Variants in ZFHX3 observed in about 807,000 individuals in gnomAD.
ZFHX3 encodes zinc finger homeobox protein 3.
ZFHX3 carries 42 observed loss-of-function variants against 279.1 expected under a neutral mutation model. The observed-to-expected ratio is 0.15, with a 90% CI of 0.12 to 0.19. The LOEUF is 0.19. Among genes scored for constraint, ZFHX3 ranks in the 10% least tolerant of loss-of-function variants. The pLI, the probability that ZFHX3 is intolerant of heterozygous loss-of-function variation, is 1.00. For missense variants in ZFHX3, 4,981 were observed against 4,754.0 expected, an observed-to-expected ratio of 1.05 and a Z score of -1.40; for synonymous variants, 2,293 against 1,957.8, an observed-to-expected ratio of 1.17 and a Z score of -4.52.
At chr16:73,087,049 CACATGTATCAAAATATT>C (rs1442374766) in intron 8 of ZFHX3, among the ~76,000 whole-genome samples, 1 of 152,114 alleles carries the variant, frequency 6.6e-6, no homozygotes, top group African/African-American at 2.4e-5. Flanking sequence ...ACCCATTGTT[CACATGTATCAAAATATT>C]ACATGTGCCC....
chr16:72,807,242 T>C (rs747110567), intron 7 of ZFHX3: 4 of 152,210 alleles, frequency 2.6e-5, no homozygotes, highest in Non-Finnish European at 5.9e-5. Flanking sequence ...GCCCAGCCAG[T>C]TGTGGAGGGG....
At chr16:72,918,973 G>A (rs1384855784) in intron 3 of ZFHX3, among the ~76,000 whole-genome samples, 3 of 152,104 alleles carry the variant, frequency 2.0e-5, no homozygotes, top group African/African-American at 7.2e-5. Flanking sequence ...TGGGATTACA[G>A]GCGTGAGCCA....
chr16:72,873,557 C>G (rs1346826848), intron 4 of ZFHX3, among the ~76,000 whole-genome samples: 1 of 152,110 alleles, frequency 6.6e-6, no homozygotes, highest in Non-Finnish European at 1.5e-5. Context: ...TTTTATTACT[C>G]ATTTTATTTT....
rs748545102 is a variant in ZFHX3 at position 72,958,228 on chromosome 16, C to T, written c.1918G>A (p.Val640Met). Residue 640 changes from valine (V) to methionine (M), a missense_variant, in exon 2 of 10, where the codon GTG becomes ATG. By Grantham distance (21) the Val-to-Met change is conservative. Coordinates refer to ENST00000268489, the MANE Select transcript of ZFHX3 (RefSeq NM_006885.4). ...ACCGTGTCGCATTTGGGGCACTCCA[C>T]GCCACTCCCCGAGGGGCACTCCCCA... ...GVGECPSGSG[V>M]ECPKCDTVLG... The T allele has an allele frequency of 2.7e-5, 43 of 1,612,568 alleles. No individual in the cohort carries two copies. In the South Asian group the frequency reaches 3.3e-4, roughly 12 times the overall value.
chr16:73,174,503 CT>C (rs1305711636), intron 5 of ZFHX3, among the ~76,000 whole-genome samples: 2 of 152,080 alleles, frequency 1.3e-5, no homozygotes, highest in Non-Finnish European at 2.9e-5. Context: ...CACGTGTTTT[CT>C]TTTTGCATCC....
At chr16:73,659,128 G>A (rs2052753359) in intron 2 of ZFHX3, among the ~76,000 whole-genome samples, 1 of 152,156 alleles carries the variant, frequency 6.6e-6, no homozygotes, top group Non-Finnish European at 1.5e-5. Flanking sequence ...AAATATATAT[G>A]GTTCCCGCAG....
intron 1 of ZFHX3, chr16:73,015,389 G>T (rs1964065240): frequency 1.3e-5 from 2 of 152,116 alleles, no homozygotes; most frequent in Non-Finnish European, 2.9e-5. Flanking sequence ...GAGTATCTTA[G>T]CATTAGACAG....
intron 3 of ZFHX3, among the ~76,000 whole-genome samples, chr16:73,374,626 A>G (rs897621508): frequency 1.3e-5 from 2 of 152,236 alleles, no homozygotes; most frequent in African/African-American, 4.8e-5. Context: ...TTATTTTTGA[A>G]GCCTGAATTA....
chr16:73,780,238 C>A (rs1437072023), intron 1 of ZFHX3, among the ~76,000 whole-genome samples: 4 of 140,588 alleles, frequency 2.8e-5, no homozygotes, highest in Non-Finnish European at 4.5e-5. Flanking sequence ...ACCTCCGCCT[C>A]CTGGGTTCAA....
chr16:73,379,103 G>A (rs988877140), intron 3 of ZFHX3, among the ~76,000 whole-genome samples: 10 of 152,228 alleles, frequency 6.6e-5, no homozygotes, highest in Admixed American at 3.9e-4. Context: ...AGGGGGAGAT[G>A]AGATTTCTAT....
chr16:73,536,115 C>T (rs964400505), intron 2 of ZFHX3, among the ~76,000 whole-genome samples: 1 of 152,114 alleles, frequency 6.6e-6, no homozygotes, highest in Non-Finnish European at 1.5e-5. Flanking sequence ...ATATATTATG[C>T]TTAGTTGATT....
chr16:73,623,181 C>T (rs1285699061), intron 2 of ZFHX3, among the ~76,000 whole-genome samples: 1 of 152,038 alleles, frequency 6.6e-6, no homozygotes, highest in Non-Finnish European at 1.5e-5. Context: ...GGACTACAGG[C>T]GCCCGCCACC....
At chr16:73,816,549 A>G (rs1446168991) in intron 1 of ZFHX3, among the ~76,000 whole-genome samples, 1 of 152,256 alleles carries the variant, frequency 6.6e-6, no homozygotes, top group East Asian at 1.9e-4. Flanking sequence ...CCACAAAGCT[A>G]AAACTATTTA....
At chr16:73,467,668 T>C (rs1221883632) in intron 2 of ZFHX3, among the ~76,000 whole-genome samples, 1 of 152,256 alleles carries the variant, frequency 6.6e-6, no homozygotes, top group Non-Finnish European at 1.5e-5. Flanking sequence ...TATTTTGTTT[T>C]GTTTTAACTT....
At chr16:73,743,918 C>T (rs1437557043) in intron 1 of ZFHX3, among the ~76,000 whole-genome samples, 1 of 152,140 alleles carries the variant, frequency 6.6e-6, no homozygotes, top group Non-Finnish European at 1.5e-5. Context: ...GACAACTCTA[C>T]TGGGTGACCC....
intron 2 of ZFHX3, among the ~76,000 whole-genome samples, chr16:73,531,714 C>CA (rs34119200): frequency 0.067 from 5,408 of 80,922 alleles, 281 homozygotes; most frequent in African/African-American, 0.17. Context: ...AACCCTGTCT[C>CA]AAAAAAAAAA....
intron 2 of ZFHX3, among the ~76,000 whole-genome samples, chr16:73,628,187 G>C (rs2052436282): frequency 6.6e-6 from 1 of 152,114 alleles, no homozygotes; most frequent in South Asian, 2.1e-4. Context: ...CAGTCTATAA[G>C]CTTTCTCATT....
chr16:72,957,375 T>G (rs1051090788), intron 2 of ZFHX3, 52 bp downstream of exon 2: 1 of 1,540,828 alleles, frequency 6.5e-7, no homozygotes. Flanking sequence ...TTCACCATTC[T>G]CCCTGGTTAA....
chr16:72,947,331 T>C (rs6499601), intron 3 of ZFHX3, among the ~76,000 whole-genome samples: 93,087 of 152,096 alleles, frequency 0.61, 29,148 homozygotes, highest in Admixed American at 0.74. Context: ...ACGAAGACAA[T>C]ATCATCAGGT....
Sources: gnomAD v4.1 joint callset for allele counts (sites outside exome capture counted in the v4.1 genomes callset) on GRCh38, gnomAD v4.1.1 for gene constraint, MANE v1.5 for transcripts, NCBI Gene and HGNC (gene_info 2026-07-23, HGNC 2026-07-21) for gene names.